The following SPATA17 variants were observed in gnomAD, a reference collection of about 807,000 sequenced individuals.
SPATA17 encodes spermatogenesis associated 17, also known as spermatogenesis-associated protein 17.
A neutral mutation model predicts 62.2 loss-of-function variants in SPATA17; 53 were observed. That is an observed-to-expected ratio of 0.85 (90% confidence interval 0.68 to 1.07). SPATA17 has a LOEUF of 1.07. Among genes scored for constraint, SPATA17 ranks in the 50% least tolerant of loss-of-function variants. The pLI is 0.00. For missense variants in SPATA17, 466 were observed against 425.5 expected (o/e 1.10, Z -0.84); for synonymous variants, 146 against 146.8 (o/e 0.99, Z 0.04).
chr1:217,651,649 G>T (rs1670316127), intron 3 of SPATA17, among the ~76,000 whole-genome samples: 1 of 152,038 alleles, frequency 6.6e-6, no homozygotes, highest in Non-Finnish European at 1.5e-5. Flanking sequence ...GATAAATTTT[G>T]TTTCATAGGT....
chr1:217,860,283 C>G (rs2103015852), intron 9 of SPATA17, among the ~76,000 whole-genome samples: 1 of 152,174 alleles, frequency 6.6e-6, no homozygotes, highest in South Asian at 2.1e-4. Flanking sequence ...GATTTCTCTT[C>G]TTTTAAATTT....
chr1:217,864,681 A>G (rs1247737178), intron 10 of SPATA17, among the ~76,000 whole-genome samples: 1 of 152,018 alleles, frequency 6.6e-6, no homozygotes, highest in Non-Finnish European at 1.5e-5. Flanking sequence ...TTTTAGTTCT[A>G]TTTTTTGATG....
chr1:217,838,217 C>G (rs188126503), intron 9 of SPATA17, among the ~76,000 whole-genome samples: 72 of 152,082 alleles, frequency 4.7e-4, no homozygotes, highest in African/African-American at 1.6e-3. Context: ...GACAGCACTG[C>G]TCTAGATGAT....
intron 9 of SPATA17, among the ~76,000 whole-genome samples, chr1:217,802,910 C>T (rs558005263): frequency 6.6e-6 from 1 of 152,034 alleles, no homozygotes; most frequent in South Asian, 2.1e-4. Flanking sequence ...CAAGGGTGCC[C>T]ACTCTTTTTT....
chr1:217,809,832 A>G (rs1391661638), intron 9 of SPATA17, among the ~76,000 whole-genome samples: 1 of 152,218 alleles, frequency 6.6e-6, no homozygotes, highest in Non-Finnish European at 1.5e-5. Context: ...ACCTGTTCTA[A>G]GCACATGCTT....
chr1:217,678,255 C>T (rs140425855), intron 4 of SPATA17, among the ~76,000 whole-genome samples: 7,259 of 136,244 alleles, frequency 0.053, 245 homozygotes, highest in Middle Eastern at 0.17. Context: ...GTTACCCAGG[C>T]TGGAGTGCAG....
chr1:217,674,013 C>G (rs2102899939), intron 4 of SPATA17, among the ~76,000 whole-genome samples: 1 of 152,224 alleles, frequency 6.6e-6, no homozygotes, highest in South Asian at 2.1e-4. Context: ...ATATCTTATA[C>G]CCAATTCTTA....
chr1:217,738,264 G>T (rs541705878), intron 5 of SPATA17, among the ~76,000 whole-genome samples: 17 of 152,138 alleles, frequency 1.1e-4, no homozygotes, highest in Non-Finnish European at 2.4e-4. Flanking sequence ...CAGTTATCAG[G>T]GTTTACCCCA....
At chr1:217,744,462 C>CAAAAAAA (rs766645844) in intron 6 of SPATA17, among the ~76,000 whole-genome samples, 2 of 30,608 alleles carry the variant, frequency 6.5e-5, no homozygotes, top group East Asian at 8.1e-4. Context: ...GACTCCGTCT[C>CAAAAAAA]AAAAAAAAAA....
At chr1:217,840,637 C>T (rs1378015961) in intron 9 of SPATA17, among the ~76,000 whole-genome samples, 1 of 151,902 alleles carries the variant, frequency 6.6e-6, no homozygotes, top group Non-Finnish European at 1.5e-5. Context: ...GAGGGCAGAT[C>T]GATTGAGCCC....
At chr1:217,827,395 C>T (rs1358015405) in intron 9 of SPATA17, among the ~76,000 whole-genome samples, 1 of 151,728 alleles carries the variant, frequency 6.6e-6, no homozygotes, top group Non-Finnish European at 1.5e-5. Flanking sequence ...ATAATGCCTG[C>T]AGAGAAATAG....
intron 9 of SPATA17, among the ~76,000 whole-genome samples, chr1:217,803,199 A>T (rs925362068): frequency 3.3e-5 from 5 of 152,142 alleles, no homozygotes; most frequent in African/African-American, 7.2e-5. Context: ...GGCATGAGCC[A>T]CCGCACCCAG....
chr1:217,795,110 T>C (rs887934503), intron 8 of SPATA17, among the ~76,000 whole-genome samples: 9 of 152,206 alleles, frequency 5.9e-5, no homozygotes, highest in Non-Finnish European at 1.3e-4. Flanking sequence ...TTAAGACTAA[T>C]GTTAATGAGT....
At chr1:217,702,218 A>G (rs1054563165) in intron 5 of SPATA17, among the ~76,000 whole-genome samples, 6 of 152,142 alleles carry the variant, frequency 3.9e-5, no homozygotes, top group African/African-American at 1.4e-4. Context: ...TTGTACACAT[A>G]GATTTTGTTT....
At chr1:217,853,576 C>T (rs751481096) in intron 9 of SPATA17, among the ~76,000 whole-genome samples, 1 of 152,080 alleles carries the variant, frequency 6.6e-6, no homozygotes, top group Non-Finnish European at 1.5e-5. Flanking sequence ...TTATAGCAAT[C>T]AATTCTTGTT....
Position 217,871,438 on chromosome 1 carries a change from C to T in SPATA17, c.*4419C>T, listed in dbSNP as rs1407764104. ...TTCTCTTCCATTTTATTTTCACTTCCATTTTAAGCTGGCTCAAAGCCTTTT... is the reference window on the plus strand; with the variant it reads ...TTCTCTTCCATTTTATTTTCACTTCTATTTTAAGCTGGCTCAAAGCCTTTT... On this transcript the variant is annotated 3_prime_UTR_variant, in exon 11 of 11. Coordinates refer to ENST00000366933, the MANE Select transcript of SPATA17 (RefSeq NM_138796.4). The T allele has an allele frequency of 1.3e-5, 2 of 151,966 alleles. No individual in the cohort carries two copies. The highest frequency in any genetic ancestry group is 1.3e-4 in the Admixed American group (2 of 15,238). The allele number at this position is 151,966 out of a possible 1,614,324, so 9.4% of individuals were successfully genotyped here.
chr1:217,646,825 C>T lies in SPATA17; in HGVS notation c.69-2057C>T, dbSNP rs146573300. On this transcript the variant is annotated intron_variant, in intron 1 of 10. Transcript: ENST00000366933. ...AGAAGAATCACTTGAACCCGGGAGG[C>T]GGAGATTGCAGTGAGCCGAGATCAC... is the stretch of plus-strand genomic sequence containing the variant. Among the ~76,000 whole-genome samples the T allele has an allele frequency of 4.3e-3, 652 of 151,444 alleles. 5 individuals are homozygous for T. Among genetic ancestry groups the T allele is most frequent in the African/African-American group, 0.015 (623 of 41,228 alleles).
chr1:217,804,031 A>AG, intron 9 of SPATA17, among the ~76,000 whole-genome samples: 1 of 152,240 alleles, frequency 6.6e-6, no homozygotes, highest in South Asian at 2.1e-4. Context: ...AGGAAAAAAA[A>AG]AAAGAAGAAG....
At chr1:217,750,823 C>T (rs950117443) in intron 6 of SPATA17, among the ~76,000 whole-genome samples, 2 of 152,192 alleles carry the variant, frequency 1.3e-5, no homozygotes, top group South Asian at 4.1e-4. Context: ...CCAGCCTTCT[C>T]TCTTAACCGA....
Sources: gnomAD v4.1 joint callset for allele counts (sites outside exome capture counted in the v4.1 genomes callset) on GRCh38, gnomAD v4.1.1 for gene constraint, MANE v1.5 for transcripts, NCBI Gene and HGNC (gene_info 2026-07-23, HGNC 2026-07-21) for gene names.